The following SLC23A1 variants were observed in gnomAD, a reference collection of about 807,000 sequenced individuals.
The protein encoded by SLC23A1 is solute carrier family 23 member 1.
SLC23A1 carries 31 observed loss-of-function variants against 62.5 expected under a neutral mutation model. The observed-to-expected ratio is 0.50, with a 90% confidence interval of 0.37 to 0.67. The LOEUF (loss-of-function observed/expected upper bound fraction) is 0.67, where lower values mean the gene tolerates loss of function less well. SLC23A1 is among the 30% of genes least tolerant of loss of function. SLC23A1 has a pLI of 0.00. For synonymous variants in SLC23A1, 271 were observed against 313.2 expected (o/e 0.87, Z 1.42); for missense variants, 640 against 782.7 (o/e 0.82, Z 2.18).
chr5:139,382,131 T>TGAGGCAG, intron 2 of SLC23A1, 82 bp from the exon 3 acceptor site: 2 of 1,389,514 alleles, frequency 1.4e-6, no homozygotes, highest in Non-Finnish European at 2.0e-6. Flanking sequence ...TCCTCATGCC[T>TGAGGCAG]GCCTCAGCGG....
In SLC23A1 at chr5:139,383,225, C is replaced by T. The variant is rs759491076; in HGVS notation, c.29G>A (p.Arg10Gln). 8.1e-6 allele frequency: 12 copies of T among 1,481,806 alleles called. No individual in the cohort carries two copies. The highest frequency in any genetic ancestry group is 3.1e-5 in the East Asian group (1 of 32,670). The allele number at this position is 1,481,806 out of a possible 1,614,324, so 91.8% of individuals were successfully genotyped here. Residue 10 changes from arginine to glutamine, a missense_variant, in exon 1 of 15, where the codon CGG becomes CAG. Arg to Gln is a conservative substitution (Grantham distance 43). Transcript: ENST00000348729. MRAQEDLEG[R>Q]TQHETTRDPS... ...ACCCCCAGCCCCCAGCACCTGTGTCCGGCCCTCGAGGTCCTCCTGGGCCCT... is the reference window on the plus strand; with the variant it reads ...ACCCCCAGCCCCCAGCACCTGTGTCTGGCCCTCGAGGTCCTCCTGGGCCCT...
At chr5:139,370,738 C>T (rs945752572) in intron 14 of SLC23A1, among the ~76,000 whole-genome samples, 1 of 151,800 alleles carries the variant, frequency 6.6e-6, no homozygotes, top group African/African-American at 2.4e-5. Context: ...AGGTGATCGC[C>T]CTTAAGAGTA....
In SLC23A1 at chr5:139,375,641, C is replaced by A. The variant is rs192279021; in HGVS notation, c.1549+1761G>T. Among the ~76,000 whole-genome samples, 912 of 152,088 alleles carry A rather than the reference C, an allele frequency of 6.0e-3. 3 individuals carry two copies. Among genetic ancestry groups the A allele is most frequent in the Non-Finnish European group, 9.2e-3 (626 of 68,010 alleles). On this transcript the variant is annotated intron_variant, in intron 13 of 14. Transcript: ENST00000348729. Reference sequence around the variant, plus strand: ...CCTGAGGTCAGGAGTTTGAGACTACCCTGGCCAACATAGTGAAACCCTGTC... The same window carrying A: ...CCTGAGGTCAGGAGTTTGAGACTACACTGGCCAACATAGTGAAACCCTGTC...
chr5:139,374,701 C>G (rs961323611), intron 13 of SLC23A1, among the ~76,000 whole-genome samples: 47 of 152,114 alleles, frequency 3.1e-4, no homozygotes, highest in Non-Finnish European at 1.0e-4. Flanking sequence ...AGTTGTGATG[C>G]TCAGGTGGGT....
rs369073613 is a variant in SLC23A1 at position 139,380,411 on chromosome 5, G to A, written c.466-22C>T. On this transcript the variant is annotated intron_variant, in intron 5 of 14. Coordinates refer to ENST00000348729, the MANE Select transcript of SLC23A1 (RefSeq NM_005847.5). ...GGACCTGGAAGGGCAAACATCAGCC[G>A]TAAGTCACCATGTAAAGGTCATGAC... 7.6e-5 allele frequency: 123 copies of A among 1,612,996 alleles called. No homozygotes were observed. In the East Asian group the frequency reaches 9.8e-4, roughly 13 times the overall value.
chr5:139,383,474 C>T, upstream of SLC23A1: 1 of 726,818 alleles, frequency 1.4e-6, no homozygotes, highest in African/African-American at 1.9e-5. Context: ...GTGCCCTTCC[C>T]TGCCCACATC....
chr5:139,373,005 G>A (rs1228060500), intron 13 of SLC23A1, among the ~76,000 whole-genome samples: 1 of 152,148 alleles, frequency 6.6e-6, no homozygotes, highest in Admixed American at 6.5e-5. Flanking sequence ...TTGCGTTCTG[G>A]GGGTAAGGGA....
In SLC23A1 at chr5:139,379,563, CACT is replaced by C. The variant is rs1561978700; in HGVS notation, c.925+112_925+114del. 8.8e-7 allele frequency: 1 copy of C among 1,137,760 alleles called. No individual in the cohort carries two copies. The highest frequency in any genetic ancestry group is 1.3e-5 in the South Asian group (1 of 76,036). The allele number at this position is 1,137,760 out of a possible 1,614,324, so 70.5% of individuals were successfully genotyped here. A position where few individuals can be genotyped will look rare whatever the true frequency, so the allele number is the denominator to read the frequency against. On this transcript the variant is annotated intron_variant, in intron 8 of 14. Transcript: ENST00000348729. This position sits in a 1 kb window ranked among gnomAD's most constrained non-coding sequence, Gnocchi z 4.7. ...AAGTAAAACACCACTCTGCTGGGCG[CACT>C]ATAAATGTGCGGCTAATGCTAGGTG...
In SLC23A1 at chr5:139,379,941, C is replaced by T; in HGVS notation, c.768+15G>A. 1 of 1,614,170 alleles carries T rather than the reference C, an allele frequency of 6.2e-7. No individual in the cohort carries two copies. The highest frequency in any genetic ancestry group is 2.2e-5 in the East Asian group (1 of 44,882). ...TGGCCATAGTCCCAGCCCCAGCCGCCTGCCAGGTCCTCACAGGAAACATTT... is the reference window on the plus strand; with the variant it reads ...TGGCCATAGTCCCAGCCCCAGCCGCTTGCCAGGTCCTCACAGGAAACATTT... On this transcript the variant is annotated intron_variant, in intron 7 of 14. Transcript: ENST00000348729. This position sits in a 1 kb window ranked among gnomAD's most constrained non-coding sequence, Gnocchi z 4.7.
Position 139,378,818 on chromosome 5 carries a change from C to G in SLC23A1, c.1074-134G>C. ...CAGCTGTAGCACTCCCTACTACAGG[C>G]CAGAATGCTCAGGCTCCAGAGCTAG... On this transcript the variant is annotated intron_variant, in intron 9 of 14. Coordinates refer to ENST00000348729, the MANE Select transcript of SLC23A1 (RefSeq NM_005847.5). This position sits in a 1 kb window ranked among gnomAD's most constrained non-coding sequence, Gnocchi z 4.5. The G allele has an allele frequency of 1.5e-6, 1 of 684,548 alleles. No individual in the cohort carries two copies. The highest frequency in any genetic ancestry group is 2.7e-5 in the East Asian group (1 of 36,912). 42.4% of individuals were successfully genotyped at this position (684,548 alleles called of 1,614,324 possible). A position where few individuals can be genotyped will look rare whatever the true frequency, so the allele number is the denominator to read the frequency against.
At position 139,382,566 on chromosome 5, in the gene SLC23A1, C is replaced by T; in HGVS notation, c.76G>A (p.Glu26Lys). 1 of 1,613,400 alleles carries T rather than the reference C, an allele frequency of 6.2e-7. No homozygotes were observed. The highest frequency in any genetic ancestry group is 8.5e-7 in the Non-Finnish European group (1 of 1,179,658). ...TRDPSTPLPTEPKFDMLYKIE... is the reference protein window; with the variant it reads ...TRDPSTPLPTKPKFDMLYKIE... ...TTGTACAACATGTCAAACTTAGGCT[C>T]TGTGGGTAGCGGGGTCGAGGGGTCC... The change falls in exon 2 of 15, where the codon GAG becomes AAG. Residue 26 changes from glutamate to lysine, a missense_variant. Glu to Lys is a moderately conservative substitution (Grantham distance 56, BLOSUM62 1). Transcript: ENST00000348729.
chr5:139,367,820 G>A (rs1188585104), intron 14 of SLC23A1, among the ~76,000 whole-genome samples, 189 bp from the exon 15 acceptor site: 1 of 152,152 alleles, frequency 6.6e-6, no homozygotes, highest in Non-Finnish European at 1.5e-5. Flanking sequence ...TCCTTGTTCC[G>A]TGCTATTCCT....
intron 3 of SLC23A1, 55 bp from the exon 4 acceptor site, chr5:139,380,941 A>G: frequency 1.3e-6 from 1 of 752,028 alleles, no homozygotes; most frequent in East Asian, 2.7e-5. Flanking sequence ...GGGAGGAGGG[A>G]TAAAGATGCG....
At position 139,378,823 on chromosome 5, in the gene SLC23A1, A is replaced by G; in HGVS notation, c.1074-139T>C. 1.5e-6 allele frequency: 1 copy of G among 675,428 alleles called. No individual in the cohort carries two copies. The highest frequency in any genetic ancestry group is 2.6e-6 in the Non-Finnish European group (1 of 383,890). The allele number at this position is 675,428 out of a possible 1,614,324, so 41.8% of individuals were successfully genotyped here. A position where few individuals can be genotyped will look rare whatever the true frequency, so the allele number is the denominator to read the frequency against. On this transcript the variant is annotated intron_variant, in intron 9 of 14. Transcript: ENST00000348729. This position sits in a 1 kb window ranked among gnomAD's most constrained non-coding sequence, Gnocchi z 4.5. ...GTAGCACTCCCTACTACAGGCCAGA[A>G]TGCTCAGGCTCCAGAGCTAGTCCTA... is the stretch of plus-strand genomic sequence containing the variant.
Position 139,368,399 on chromosome 5 carries a change from C to T in SLC23A1, c.*20-768G>A, listed in dbSNP as rs149745832. ...AAAAAATTAGTTGGGTGTGGTGGCA[C>T]GCGCCTGTAGTCCCAGCTACTCAGG... On this transcript the variant is annotated intron_variant, in intron 14 of 14. Transcript: ENST00000348729. Among the ~76,000 whole-genome samples the T allele has an allele frequency of 3.0e-3, 448 of 151,000 alleles. 3 individuals are homozygous for T. The highest frequency in any genetic ancestry group is 9.5e-3 in the African/African-American group (392 of 41,172).
upstream of SLC23A1, chr5:139,384,599 C>G: frequency 1.6e-6 from 2 of 1,264,826 alleles, no homozygotes; most frequent in Non-Finnish European, 2.1e-6. Context: ...ACTTCTCCTC[C>G]CAGAACTCCC....
chr5:139,380,806 G>A lies in SLC23A1; in HGVS notation c.389C>T (p.Pro130Leu), dbSNP rs1158258549. 6.4e-7 allele frequency: 1 copy of A among 1,568,226 alleles called. No individual in the cohort carries two copies. The highest frequency in any genetic ancestry group is 8.7e-7 in the Non-Finnish European group (1 of 1,153,512). ...AILALERWKC[P>L]PEEEIYGNWS... ...CCCAGAAGTGTACCCACCTTCCGGGGGGCATTTCCATCTCTCCAGAGCCAG... is the reference window on the plus strand; with the variant it reads ...CCCAGAAGTGTACCCACCTTCCGGGAGGCATTTCCATCTCTCCAGAGCCAG... The change falls in exon 4 of 15, where the codon CCC becomes CTC. Residue 130 changes from proline to leucine, a missense_variant. Physicochemically the swap from Pro to Leu is moderately conservative, Grantham distance 98 (BLOSUM62 -3). Coordinates refer to ENST00000348729, the MANE Select transcript of SLC23A1 (RefSeq NM_005847.5).
In SLC23A1 at chr5:139,379,547, A is replaced by G. The variant is rs1347547301; in HGVS notation, c.925+131T>C. 9.2e-7 allele frequency: 1 copy of G among 1,084,062 alleles called. No homozygotes were observed. The highest frequency in any genetic ancestry group is 2.0e-5 in the Admixed American group (1 of 50,464). The allele number at this position is 1,084,062 out of a possible 1,614,324, so 67.2% of individuals were successfully genotyped here. A position where few individuals can be genotyped will look rare whatever the true frequency, so the allele number is the denominator to read the frequency against. On this transcript the variant is annotated intron_variant, in intron 8 of 14. Coordinates refer to ENST00000348729, the MANE Select transcript of SLC23A1 (RefSeq NM_005847.5). This position sits in a 1 kb window ranked among gnomAD's most constrained non-coding sequence, Gnocchi z 4.7. Reference sequence around the variant, plus strand: ...GACTGAAGCTTTGTCTAAGTAAAACACCACTCTGCTGGGCGCACTATAAAT... The same window carrying G: ...GACTGAAGCTTTGTCTAAGTAAAACGCCACTCTGCTGGGCGCACTATAAAT...
upstream of SLC23A1, chr5:139,384,532 T>A: frequency 7.8e-7 from 1 of 1,289,500 alleles, no homozygotes; most frequent in South Asian, 1.2e-5. Flanking sequence ...GCTCCCAATT[T>A]CCAAAGTTGC....
Sources: gnomAD v4.1 joint callset for allele counts (sites outside exome capture counted in the v4.1 genomes callset) on GRCh38, gnomAD v4.1.1 for gene constraint, Gnocchi (gnomAD v3.1) non-coding constraint, MANE v1.5 for transcripts, NCBI Gene and HGNC (gene_info 2026-07-23, HGNC 2026-07-21) for gene names.